Variants in TMEM67 observed in about 807,000 individuals in gnomAD.
The protein encoded by TMEM67 is meckelin.
Under a neutral mutation model 136.6 loss-of-function variants are expected in TMEM67, and 124 were observed. That is an observed-to-expected ratio of 0.91 (90% confidence interval 0.78 to 1.05). The LOEUF is 1.05. Ranked by LOEUF, TMEM67 falls within the 50% of genes least tolerant of loss-of-function variation. The probability of loss-of-function intolerance (pLI) is 0.00; values close to 1 mark genes in which losing one functional copy is unlikely to be tolerated. For missense variants in TMEM67, 1,107 were observed against 1,178.4 expected (o/e 0.94, Z 0.89); for synonymous variants, 364 against 390.5 (o/e 0.93, Z 0.80).
At chr8:93,786,807 TTC>T (rs1255821069) in intron 13 of TMEM67, among the ~76,000 whole-genome samples, 1 of 152,176 alleles carries the variant, frequency 6.6e-6, no homozygotes, top group Admixed American at 6.5e-5. Flanking sequence ...CCACTTAAAT[TTC>T]TCTTTCTTTT....
chr8:93,776,656 A>T (rs942701272), intron 7 of TMEM67, among the ~76,000 whole-genome samples: 2 of 152,150 alleles, frequency 1.3e-5, no homozygotes, highest in African/African-American at 2.4e-5. Flanking sequence ...GATTACGTTT[A>T]TTGATTTGCA....
chr8:93,758,818 T>C (rs537808206), intron 3 of TMEM67: 322 of 456,482 alleles, frequency 7.1e-4, no homozygotes, highest in African/African-American at 5.9e-3. Flanking sequence ...AGCCTGGTCT[T>C]GAACTCCTGG....
In TMEM67 at chr8:93,815,551, C is replaced by T; in HGVS notation, c.2907+104C>T. 3 of 1,094,164 alleles carry T rather than the reference C, an allele frequency of 2.7e-6. No individual in the cohort carries two copies. In the Admixed American group the frequency reaches 6.4e-5, roughly 23 times the overall value. 67.8% of individuals were successfully genotyped at this position (1,094,164 alleles called of 1,614,324 possible). A position where few individuals can be genotyped will look rare whatever the true frequency, so the allele number is the denominator to read the frequency against. On this transcript the variant is annotated intron_variant, in intron 27 of 27. Transcript: ENST00000453321. The stretch of plus-strand genomic sequence containing the variant: ...AGAGTAACAATGTCTACTTTTACTA[C>T]AATTTTGTAAAGGTTTAGAATATGA...
Position 93,786,217 on chromosome 8 carries a change from TA to T in TMEM67, c.1289-2del, listed in dbSNP as rs2130690528. On this transcript the variant is annotated splice_region_variant and splice_polypyrimidine_tract_variant and intron_variant, in intron 12 of 27. Transcript: ENST00000453321. ...GCAGTAAACTTTTTTCTTTTTATAA[TA>T]AAAGACAGCAACTCTGGAAAGTGGC... The T allele has an allele frequency of 1.2e-6, 2 of 1,613,290 alleles. No individual in the cohort carries two copies. The highest frequency in any genetic ancestry group is 3.3e-5 in the Admixed American group (2 of 59,950).
At chr8:93,760,608 A>G (rs1002128391) in intron 3 of TMEM67, among the ~76,000 whole-genome samples, 2 of 151,848 alleles carry the variant, frequency 1.3e-5, no homozygotes, top group African/African-American at 4.8e-5. Flanking sequence ...TTGGAGGCCT[A>G]GGTGGGACGA....
At chr8:93,799,349 G>T (rs1814764087) in intron 20 of TMEM67, among the ~76,000 whole-genome samples, 2 of 152,010 alleles carry the variant, frequency 1.3e-5, no homozygotes, top group African/African-American at 4.8e-5. Flanking sequence ...TAAATTTTTA[G>T]TCTTGTCAGT....
chr8:93,794,601 A>G (rs906472142), intron 16 of TMEM67, among the ~76,000 whole-genome samples: 5 of 152,228 alleles, frequency 3.3e-5, no homozygotes, highest in Non-Finnish European at 7.3e-5. Flanking sequence ...GCTTTAACCA[A>G]AGTATCTTTC....
intron 6 of TMEM67, among the ~76,000 whole-genome samples, chr8:93,770,462 G>C (rs958814406): frequency 2.6e-5 from 4 of 151,730 alleles, no homozygotes; most frequent in African/African-American, 7.3e-5. Context: ...TTCCTTTTTT[G>C]GGGGAAGGGA....
At chr8:93,774,826 G>A (rs1356811985) in intron 7 of TMEM67, among the ~76,000 whole-genome samples, 3 of 152,184 alleles carry the variant, frequency 2.0e-5, no homozygotes, top group African/African-American at 4.8e-5. Flanking sequence ...ACATACATGT[G>A]CATGTGTCTT....
At chr8:93,762,984 G>A (rs1200249183) in intron 3 of TMEM67, 1 of 426,530 alleles carries the variant, frequency 2.3e-6, no homozygotes, top group Admixed American at 2.6e-5. Context: ...GTGTAGTGGT[G>A]TGATCTCAGC....
At chr8:93,811,954 A>C (rs1019140542) in intron 26 of TMEM67, among the ~76,000 whole-genome samples, 5 of 151,964 alleles carry the variant, frequency 3.3e-5, no homozygotes, top group African/African-American at 1.2e-4. Flanking sequence ...GTTCGAGACC[A>C]GCTTGGCCAA....
At chr8:93,811,879 G>C (rs2130789335) in intron 26 of TMEM67, among the ~76,000 whole-genome samples, 1 of 152,110 alleles carries the variant, frequency 6.6e-6, no homozygotes, top group South Asian at 2.1e-4. Flanking sequence ...GCCAGGTGCG[G>C]TGGCTCATGC....
intron 7 of TMEM67, among the ~76,000 whole-genome samples, 157 bp downstream of exon 7, chr8:93,772,808 C>T (rs1813383064): frequency 6.6e-6 from 1 of 152,132 alleles, no homozygotes; most frequent in African/African-American, 2.4e-5. Context: ...AAAGAGAATA[C>T]ATGAAGAAGA....
chr8:93,781,889 T>A, intron 10 of TMEM67, 145 bp downstream of exon 10: 1 of 532,648 alleles, frequency 1.9e-6, no homozygotes, highest in Non-Finnish European at 3.3e-6. Flanking sequence ...TAGACTTTCT[T>A]AAGTTTTTTG....
In TMEM67 at chr8:93,785,375, C is replaced by T. The variant is rs371672760; in HGVS notation, c.1285C>T (p.Gln429Ter). Reference sequence around the variant, plus strand: ...TCAACATAATAAGATATTTGTGAACCAAGGTAAGACATCCATACATACCAC... The same window carrying T: ...TCAACATAATAAGATATTTGTGAACTAAGGTAAGACATCCATACATACCAC... ...NLQHNKIFVNQDSNSGKWLLT... is the reference protein window; with the variant it reads ...NLQHNKIFVN The change falls in exon 12 of 28, where the codon CAA becomes TAA. Residue 429 changes from glutamine to a stop codon, truncating the protein, a stop_gained. Transcript: ENST00000453321. LOFTEE classifies it high-confidence loss of function. 1.2e-6 allele frequency: 2 copies of T among 1,612,156 alleles called. No individual in the cohort carries two copies. Among genetic ancestry groups the T allele is most frequent in the Non-Finnish European group, 1.7e-6 (2 of 1,178,944 alleles).
In TMEM67 at chr8:93,786,358, T is replaced by C. The variant is rs1347187013; in HGVS notation, c.1412+12T>C. On this transcript the variant is annotated intron_variant, in intron 13 of 27. Coordinates refer to ENST00000453321, the MANE Select transcript of TMEM67 (RefSeq NM_153704.6). ...CAAATATCACTGAGGTAAACAAATG[T>C]CTAATGATATTATTTATGGGAAAAT... 2.5e-6 allele frequency: 4 copies of C among 1,612,944 alleles called. No homozygotes were observed. The highest frequency in any genetic ancestry group is 1.1e-5 in the South Asian group (1 of 91,068).
At chr8:93,789,581 G>T (rs1275798373) in intron 14 of TMEM67, among the ~76,000 whole-genome samples, 4 of 150,304 alleles carry the variant, frequency 2.7e-5, no homozygotes, top group African/African-American at 9.8e-5. Flanking sequence ...AGAGGCGGAG[G>T]TTGCAGTGAG....
the TMEM67 span, among the ~76,000 whole-genome samples, chr8:93,830,978 A>C: frequency 6.6e-6 from 1 of 152,244 alleles, no homozygotes; most frequent in Non-Finnish European, 1.5e-5. Context: ...GACCTTCCTC[A>C]GCTTGTGATG....
chr8:93,821,025 G>A (rs1410397639), downstream of TMEM67, among the ~76,000 whole-genome samples: 6 of 152,278 alleles, frequency 3.9e-5, no homozygotes, highest in South Asian at 1.2e-3. Context: ...TCAGTAGAAT[G>A]AAGTCCAGGG....
Sources: gnomAD v4.1 joint callset for allele counts (sites outside exome capture counted in the v4.1 genomes callset) on GRCh38, gnomAD v4.1.1 for gene constraint, MANE v1.5 for transcripts, NCBI Gene and HGNC (gene_info 2026-07-23, HGNC 2026-07-21) for gene names.